GALNTL6: variants seen among roughly 807,000 people sequenced by gnomAD.
The protein encoded by GALNTL6 is polypeptide N-acetylgalactosaminyltransferase-like 6.
Under a neutral mutation model 73.7 loss-of-function variants are expected in GALNTL6, and 46 were observed. The observed-to-expected ratio is 0.62, with a 90% confidence interval of 0.49 to 0.80. The LOEUF (loss-of-function observed/expected upper bound fraction) is 0.80, where lower values mean the gene tolerates loss of function less well. Ranked by LOEUF, GALNTL6 falls within the 30% of genes least tolerant of loss-of-function variation. The pLI is 0.00. For missense variants in GALNTL6, 604 were observed against 755.0 expected (o/e 0.80, Z 2.34); for synonymous variants, 259 against 263.7 (o/e 0.98, Z 0.17).
rs779186472 is a variant in GALNTL6 at position 173,021,137 on chromosome 4, T to TTCC, written c.1489-335_1489-333dup. On this transcript the variant is annotated intron_variant, in intron 11 of 12. Coordinates refer to ENST00000506823, the MANE Select transcript of GALNTL6 (RefSeq NM_001034845.3). Reference sequence around the variant, plus strand: ...ACCCTCATCCCTCTCCCCTCTGTCTTTCCTCCCTCTGTCCTCTTACTCGTT... The same window carrying TTCC: ...ACCCTCATCCCTCTCCCCTCTGTCTTTCCTCCTCCCTCTGTCCTCTTACTCGTT... 1.4e-3 allele frequency among the ~76,000 whole-genome samples: 213 copies of TTCC among 152,190 alleles called. 1 individual carries two copies. Among genetic ancestry groups the TTCC allele is most frequent in the Admixed American group, 5.0e-3 (76 of 15,282 alleles).
At chr4:172,944,941 C>T (rs1198184568) in intron 9 of GALNTL6, among the ~76,000 whole-genome samples, 4 of 151,830 alleles carry the variant, frequency 2.6e-5, no homozygotes, top group African/African-American at 9.7e-5. Context: ...GCCTGTAATC[C>T]CAGCTACTTG....
At chr4:172,850,216 A>C (rs749609508) in intron 7 of GALNTL6, among the ~76,000 whole-genome samples, 6 of 152,200 alleles carry the variant, frequency 3.9e-5, no homozygotes, top group Admixed American at 6.5e-5. Flanking sequence ...GTGTAGGACA[A>C]GGTATATTTA....
At chr4:172,280,324 C>G (rs1333501758) in intron 3 of GALNTL6, among the ~76,000 whole-genome samples, 1 of 152,078 alleles carries the variant, frequency 6.6e-6, no homozygotes, top group Admixed American at 6.6e-5. Flanking sequence ...GAAGAACTTT[C>G]CCCAGCCCCA....
chr4:173,030,331 C>T (rs1268642246), intron 12 of GALNTL6, among the ~76,000 whole-genome samples: 5 of 152,166 alleles, frequency 3.3e-5, no homozygotes, highest in Non-Finnish European at 5.9e-5. Context: ...GTATGTCTAA[C>T]CCAGCTGAAA....
At position 172,886,865 on chromosome 4, in the gene GALNTL6, G is replaced by A. The variant is rs139016614; in HGVS notation, c.1041+3958G>A. On this transcript the variant is annotated intron_variant, in intron 8 of 12. Transcript: ENST00000506823. Reference sequence around the variant, plus strand: ...TTTATTTTAGATTCAGGGGGTACACGTGCAGGATTGTTACAAGCAAATATT... The same window carrying A: ...TTTATTTTAGATTCAGGGGGTACACATGCAGGATTGTTACAAGCAAATATT... 3.9e-3 allele frequency among the ~76,000 whole-genome samples: 593 copies of A among 152,144 alleles called. 2 individuals carry two copies. The highest frequency in any genetic ancestry group is 0.014 in the African/African-American group (566 of 41,488).
chr4:172,059,753 T>A (rs919925179), intron 2 of GALNTL6, among the ~76,000 whole-genome samples: 1 of 152,232 alleles, frequency 6.6e-6, no homozygotes, highest in African/African-American at 2.4e-5. Context: ...CATGCTATGT[T>A]TATTTGAAGT....
At chr4:172,393,502 A>G (rs1743739725) in intron 5 of GALNTL6, among the ~76,000 whole-genome samples, 1 of 152,204 alleles carries the variant, frequency 6.6e-6, no homozygotes, top group African/African-American at 2.4e-5. Context: ...TTTTCAGGAA[A>G]CATCACAGGT....
At chr4:172,921,223 T>A (rs1230990640) in intron 8 of GALNTL6, among the ~76,000 whole-genome samples, 5 of 152,216 alleles carry the variant, frequency 3.3e-5, no homozygotes, top group Admixed American at 2.0e-4. Flanking sequence ...GCTGAATGCT[T>A]TTAATAAATA....
intron 4 of GALNTL6, among the ~76,000 whole-genome samples, chr4:172,332,421 T>C (rs1283547347): frequency 2.0e-5 from 3 of 152,228 alleles, no homozygotes; most frequent in East Asian, 3.9e-4. Context: ...TGTTTTTATC[T>C]TTTAACCCAG....
intron 2 of GALNTL6, among the ~76,000 whole-genome samples, chr4:171,903,432 C>T (rs1291657513): frequency 6.6e-6 from 1 of 152,064 alleles, no homozygotes; most frequent in Non-Finnish European, 1.5e-5. Context: ...TGCGCTTTGC[C>T]GAAGGGCTTA....
intron 2 of GALNTL6, among the ~76,000 whole-genome samples, chr4:171,906,524 T>A (rs1041371760): frequency 3.4e-4 from 52 of 151,478 alleles, no homozygotes; most frequent in Non-Finnish European, 5.3e-4. Flanking sequence ...CCAAAAAGAG[T>A]CCAGGTCCAG....
intron 2 of GALNTL6, among the ~76,000 whole-genome samples, chr4:172,174,643 C>G (rs1431934772): frequency 6.6e-6 from 1 of 152,030 alleles, no homozygotes; most frequent in African/African-American, 2.4e-5. Flanking sequence ...CTACTACTTC[C>G]TATTTTATTG....
chr4:172,938,044 C>A (rs1379714570), intron 9 of GALNTL6, among the ~76,000 whole-genome samples: 5 of 152,142 alleles, frequency 3.3e-5, no homozygotes, highest in African/African-American at 1.2e-4. Flanking sequence ...GGTTTCTTAG[C>A]AAAGTGTAAC....
intron 7 of GALNTL6, among the ~76,000 whole-genome samples, chr4:172,817,106 C>CAA (rs368595063): frequency 3.5e-4 from 26 of 74,496 alleles, no homozygotes; most frequent in Admixed American, 1.1e-3. Context: ...ACTCCGTCTC[C>CAA]AAAAAAAAAA....
At chr4:172,603,331 T>C (rs1254599504) in intron 5 of GALNTL6, among the ~76,000 whole-genome samples, 3 of 152,204 alleles carry the variant, frequency 2.0e-5, no homozygotes, top group Non-Finnish European at 2.9e-5. Flanking sequence ...CAAGTTCAAA[T>C]ATTTTTGTAT....
chr4:172,412,091 G>A (rs1166267317), intron 5 of GALNTL6, among the ~76,000 whole-genome samples: 1 of 151,930 alleles, frequency 6.6e-6, no homozygotes, highest in Non-Finnish European at 1.5e-5. Context: ...CACCCAGGCT[G>A]GAGTGCAGTG....
intron 5 of GALNTL6, chr4:172,667,927 C>T (rs921198193): frequency 2.0e-5 from 3 of 152,214 alleles, no homozygotes; most frequent in African/African-American, 7.2e-5. Flanking sequence ...AACCACTCAG[C>T]ATTTTCCCCC....
intron 4 of GALNTL6, among the ~76,000 whole-genome samples, chr4:172,327,923 A>AT (rs1273383452): frequency 6.6e-6 from 1 of 151,830 alleles, no homozygotes; most frequent in East Asian, 1.9e-4. Flanking sequence ...TATGATTCTC[A>AT]TTTTTTGTTA....
At chr4:172,293,444 GA>G (rs1255314474) in intron 3 of GALNTL6, among the ~76,000 whole-genome samples, 4 of 14,962 alleles carry the variant, frequency 2.7e-4, no homozygotes, top group African/African-American at 2.9e-4. Context: ...TCAATACAAT[GA>G]AAAACCTCAA....
Sources: allele counts gnomAD v4.1 joint callset (sites outside exome capture counted in the v4.1 genomes callset), GRCh38; gene constraint gnomAD v4.1.1; transcripts MANE v1.5; gene names NCBI Gene and HGNC (gene_info 2026-07-23, HGNC 2026-07-21).